Variants in CACNA1D observed in about 807,000 individuals in gnomAD.
The protein encoded by CACNA1D is calcium voltage-gated channel subunit alpha1 D, also known as voltage-dependent L-type calcium channel subunit alpha-1D.
In CACNA1D, 55 loss-of-function variants were observed where a neutral mutation model predicts 257.1. The ratio of observed to expected loss-of-function variants is 0.21; its 90% confidence interval spans 0.17 to 0.27. The LOEUF is 0.27. CACNA1D is among the 10% of genes least tolerant of loss of function. The pLI is 1.00. For synonymous variants in CACNA1D, 980 were observed against 1,014.9 expected, an observed-to-expected ratio of 0.97 and a Z score of 0.65; for missense variants, 1,876 against 2,784.0, an observed-to-expected ratio of 0.67 and a Z score of 7.34.
chr3:53,650,039 A>G (rs2108268037), intron 3 of CACNA1D, among the ~76,000 whole-genome samples: 1 of 152,332 alleles, frequency 6.6e-6, no homozygotes, highest in African/African-American at 2.4e-5. Context: ...TGTGGCAGTC[A>G]GATGGGCATG....
rs147437617 is a variant in CACNA1D at position 53,673,144 on chromosome 3, C to T, written c.1220+18C>T. On this transcript the variant is annotated intron_variant, in intron 8 of 47. Coordinates refer to ENST00000350061, the MANE Select transcript of CACNA1D (RefSeq NM_001128840.3). This position sits in a 1 kb window ranked among gnomAD's most constrained non-coding sequence, Gnocchi z 4.1. Reference sequence around the variant, plus strand: ...TTGAGCGGGTAAGCTACACCTCTTTCATCTTGAAAGCAGAGTCCTGAGGAC... The same window carrying T: ...TTGAGCGGGTAAGCTACACCTCTTTTATCTTGAAAGCAGAGTCCTGAGGAC... 2.0e-6 allele frequency: 3 copies of T among 1,502,612 alleles called. No homozygotes were observed. The highest frequency in any genetic ancestry group is 2.4e-5 in the South Asian group (2 of 83,030). 93.1% of individuals were successfully genotyped at this position (1,502,612 alleles called of 1,614,324 possible).
At chr3:53,805,877 TCCTCCTCCCGCATCTTCTCCTCCTC>T (rs2095561125) in intron 45 of CACNA1D, among the ~76,000 whole-genome samples, 1 of 99,910 alleles carries the variant, frequency 1.0e-5, no homozygotes, top group African/African-American at 4.0e-5. Context: ...TCCCTCCTCC[TCCTCCTCCCGCATCTTCTCCTCCTC>T]CCTCATCTTC....
chr3:53,496,719 T>C (rs999291612), intron 1 of CACNA1D, among the ~76,000 whole-genome samples: 5 of 151,248 alleles, frequency 3.3e-5, no homozygotes, highest in African/African-American at 4.8e-5. Context: ...TGGTACTGCC[T>C]TTTTTTTTCC....
chr3:53,637,847 A>G (rs974951441), intron 3 of CACNA1D, among the ~76,000 whole-genome samples: 6 of 152,184 alleles, frequency 3.9e-5, no homozygotes, highest in Non-Finnish European at 8.8e-5. Context: ...TGGCCTCCCA[A>G]TGTCTCTTAA....
Position 53,495,270 on chromosome 3 carries a change from C to T in CACNA1D, c.67+37C>T. 6 of 1,612,682 alleles carry T rather than the reference C, an allele frequency of 3.7e-6. No homozygotes were observed. The highest frequency in any genetic ancestry group is 5.1e-6 in the Non-Finnish European group (6 of 1,179,684). ...GAGCCCGGGCACCCGCTGCCAAATC[C>T]GATCCTGTCATGGTCCTCCAGCCCC... On this transcript the variant is annotated intron_variant, in intron 1 of 47. Transcript: ENST00000350061. This position sits in a 1 kb window ranked among gnomAD's most constrained non-coding sequence, Gnocchi z 5.1.
At chr3:53,799,277 G>T (rs2095523783) in intron 40 of CACNA1D, among the ~76,000 whole-genome samples, 1 of 152,176 alleles carries the variant, frequency 6.6e-6, no homozygotes. Flanking sequence ...CCTTCAAACT[G>T]GTGGTCAAAA....
In CACNA1D at chr3:53,747,291, T is replaced by C; in HGVS notation, c.3168-11T>C. On this transcript the variant is annotated splice_polypyrimidine_tract_variant and intron_variant, in intron 25 of 47. Coordinates refer to ENST00000350061, the MANE Select transcript of CACNA1D (RefSeq NM_001128840.3). ...TGAAGCCAGACGACCCACACCTGTT[T>C]TCCTCTCCAGGGGACTTTTCATCCT... 1 of 1,613,654 alleles carries C rather than the reference T, an allele frequency of 6.2e-7. No homozygotes were observed. Among genetic ancestry groups the C allele is most frequent in the Non-Finnish European group, 8.5e-7 (1 of 1,179,568 alleles).
intron 40 of CACNA1D, among the ~76,000 whole-genome samples, chr3:53,797,146 G>A (rs973095712): frequency 1.3e-5 from 2 of 152,142 alleles, no homozygotes; most frequent in Non-Finnish European, 2.9e-5. Flanking sequence ...CTGTATTTCT[G>A]GGGATTGGAA....
At chr3:53,666,242 G>C in intron 6 of CACNA1D, 97 bp from the exon 7 acceptor site, 1 of 1,105,814 alleles carries the variant, frequency 9.0e-7, no homozygotes, top group African/African-American at 1.5e-5. Flanking sequence ...GGGGCGGTAG[G>C]GTGTCCCGGG....
At chr3:53,797,107 T>C (rs1246700978) in intron 40 of CACNA1D, among the ~76,000 whole-genome samples, 1 of 152,246 alleles carries the variant, frequency 6.6e-6, no homozygotes, top group Non-Finnish European at 1.5e-5. Context: ...TGTGGAAAAG[T>C]AATTTTTTCA....
At chr3:53,571,970 G>T (rs188383114) in intron 3 of CACNA1D, among the ~76,000 whole-genome samples, 1 of 152,172 alleles carries the variant, frequency 6.6e-6, no homozygotes. Context: ...CTCTGGAAGT[G>T]CCTTAGACAT....
At chr3:53,620,313 A>G (rs1244796989) in intron 3 of CACNA1D, among the ~76,000 whole-genome samples, 1 of 152,088 alleles carries the variant, frequency 6.6e-6, no homozygotes, top group Non-Finnish European at 1.5e-5. Context: ...TTTGTTTTTG[A>G]GACAGGGTCT....
At chr3:53,496,891 T>C (rs982887474) in intron 1 of CACNA1D, among the ~76,000 whole-genome samples, 2 of 152,174 alleles carry the variant, frequency 1.3e-5, no homozygotes, top group Non-Finnish European at 2.9e-5. Flanking sequence ...GAAGACATGA[T>C]GTGAAGGAGT....
intron 20 of CACNA1D, among the ~76,000 whole-genome samples, chr3:53,736,696 A>G (rs1457483285): frequency 6.6e-6 from 1 of 151,964 alleles, no homozygotes; most frequent in African/African-American, 2.4e-5. Context: ...GTTCAAGACT[A>G]GTCTAGGCAA....
At chr3:53,693,846 A>C (rs1182377246) in intron 8 of CACNA1D, among the ~76,000 whole-genome samples, 1 of 151,620 alleles carries the variant, frequency 6.6e-6, no homozygotes, top group Non-Finnish European at 1.5e-5. Context: ...TGTTTTTTGC[A>C]TGTGTATGTA....
chr3:53,551,642 A>G (rs997588592), intron 3 of CACNA1D, among the ~76,000 whole-genome samples: 1 of 152,208 alleles, frequency 6.6e-6, no homozygotes, highest in African/African-American at 2.4e-5. Flanking sequence ...GAGGTTTACA[A>G]AGATAAAATC....
chr3:53,497,380 A>G lies in CACNA1D; in HGVS notation c.296A>G (p.Asn99Ser). 1 of 1,614,238 alleles carries G rather than the reference A, an allele frequency of 6.2e-7. No individual in the cohort carries two copies. The highest frequency in any genetic ancestry group is 1.1e-5 in the South Asian group (1 of 91,076). Residue 99 changes from asparagine (N) to serine (S), a missense_variant, in exon 2 of 48, where the codon AAC becomes AGC. Physicochemically the swap from Asn to Ser is conservative, Grantham distance 46 (BLOSUM62 1). Around this residue, in one of 10 missense-constraint regions of CACNA1D, gnomAD observed 143 missense variants for 168.7 expected, o/e 0.85. Transcript: ENST00000350061. ...AGCAAAAAACAGGGTAACTCGTCCA[A>G]CAGCCGACCTGCCCGCGCCCTTTTC... is the stretch of plus-strand genomic sequence containing the variant. ...AKSKKQGNSS[N>S]SRPARALFCL... is the part of the protein sequence containing the mutation.
chr3:53,573,327 CCTCA>C (rs2092980601), intron 3 of CACNA1D, among the ~76,000 whole-genome samples: 1 of 152,204 alleles, frequency 6.6e-6, no homozygotes, highest in South Asian at 2.1e-4. Context: ...TGTACCTTCC[CCTCA>C]CTCCTCCACA....
At chr3:53,629,251 A>G (rs759437184) in intron 3 of CACNA1D, among the ~76,000 whole-genome samples, 10 of 152,230 alleles carry the variant, frequency 6.6e-5, no homozygotes, top group Non-Finnish European at 1.0e-4. Context: ...CCGATGGTTG[A>G]ATTTAGCCCA....
Sources: allele counts gnomAD v4.1 joint callset (sites outside exome capture counted in the v4.1 genomes callset), GRCh38; gene constraint gnomAD v4.1.1; regional missense constraint gnomAD v4.1.1; non-coding constraint Gnocchi (gnomAD v3.1); transcripts MANE v1.5; gene names NCBI Gene and HGNC (gene_info 2026-07-23, HGNC 2026-07-21).